The following WFDC10B variants were observed in gnomAD, a reference collection of about 807,000 sequenced individuals.
WFDC10B encodes the protein WAP four-disulfide core domain 10B.
Under a neutral mutation model 2.7 loss-of-function variants are expected in WFDC10B, and 1 was observed. The observed-to-expected ratio is 0.38, with a 90% CI of 0.13 to 1.79. The LOEUF is 1.79. Ranked by LOEUF, WFDC10B falls within the 40% of genes most tolerant of loss-of-function variation. WFDC10B has a pLI of 0.33. For synonymous variants in WFDC10B, 26 were observed against 32.2 expected, an observed-to-expected ratio of 0.81 and a Z score of 0.65; for missense variants, 71 against 87.8, an observed-to-expected ratio of 0.81 and a Z score of 0.76.
At chr20:45,693,537 C>T (rs1056493161) in intron 2 of WFDC10B, among the ~76,000 whole-genome samples, 9 of 152,162 alleles carry the variant, frequency 5.9e-5, no homozygotes, top group Non-Finnish European at 1.0e-4. Context: ...CAATGGTGGG[C>T]GCCCCTCCCC....
At chr20:45,704,359 C>A in intron 2 of WFDC10B, 138 bp downstream of exon 2, 1 of 1,520,482 alleles carries the variant, frequency 6.6e-7, no homozygotes, top group South Asian at 1.3e-5. Context: ...TGGCAGGTTT[C>A]CTGGCAGTTC....
chr20:45,699,235 A>G (rs1984073181), intron 2 of WFDC10B, among the ~76,000 whole-genome samples: 1 of 152,208 alleles, frequency 6.6e-6, no homozygotes. Context: ...AAAAAAGTAA[A>G]CATACAAAGT....
chr20:45,688,413 T>C (rs1983702448), intron 2 of WFDC10B, among the ~76,000 whole-genome samples: 1 of 152,160 alleles, frequency 6.6e-6, no homozygotes, highest in Admixed American at 6.5e-5. Flanking sequence ...CTGGGTCAAA[T>C]GGTATTTCTA....
intron 2 of WFDC10B, among the ~76,000 whole-genome samples, chr20:45,702,698 C>A (rs1984215512): frequency 6.6e-6 from 1 of 152,110 alleles, no homozygotes; most frequent in Non-Finnish European, 1.5e-5. Flanking sequence ...CCTTTTATTC[C>A]ACATTTTCAA....
At chr20:45,698,372 G>T (rs2145641069) in intron 2 of WFDC10B, among the ~76,000 whole-genome samples, 1 of 152,154 alleles carries the variant, frequency 6.6e-6, no homozygotes, top group African/African-American at 2.4e-5. Context: ...ACTATGGATT[G>T]GGCAATGGAT....
At position 45,688,917 on chromosome 20, in the gene WFDC10B, T is replaced by C. The variant is rs981205063; in HGVS notation, c.-64-2861A>G. Reference sequence around the variant, plus strand: ...GTTTTAGACATGAAGTCCTTGCCCATGCCTATGTCCTGAATGGTAATGCCT... The same window carrying C: ...GTTTTAGACATGAAGTCCTTGCCCACGCCTATGTCCTGAATGGTAATGCCT... On this transcript the variant is annotated intron_variant, in intron 2 of 3. Transcript: ENST00000330523. Among the ~76,000 whole-genome samples, 79 of 152,132 alleles carry C rather than the reference T, an allele frequency of 5.2e-4. 1 individual carries two copies. Among genetic ancestry groups the C allele is most frequent in the African/African-American group, 1.5e-3 (64 of 41,502 alleles).
Position 45,699,561 on chromosome 20 carries a change from G to T in WFDC10B, c.-65+4936C>A, listed in dbSNP as rs536358286. Among the ~76,000 whole-genome samples, 62 of 152,284 alleles carry T rather than the reference G, an allele frequency of 4.1e-4. 1 individual carries two copies. The South Asian group carries it at 0.012, about 31-fold the overall frequency. On this transcript the variant is annotated intron_variant, in intron 2 of 3. Coordinates refer to ENST00000330523, the MANE Select transcript of WFDC10B (RefSeq NM_172006.2). Reference sequence around the variant, plus strand: ...AAAAAATTCAAAAGCATGACAACACGTTCTGTTAGTGAGACTGTAGGAAAC... The same window carrying T: ...AAAAAATTCAAAAGCATGACAACACTTTCTGTTAGTGAGACTGTAGGAAAC...
intron 3 of WFDC10B, 78 bp from the exon 4 acceptor site, chr20:45,685,038 G>A: frequency 2.5e-6 from 4 of 1,578,792 alleles, no homozygotes; most frequent in Non-Finnish European, 3.4e-6. Flanking sequence ...CTCCTCCATG[G>A]CCCCAGAACC....
rs373966089 is a variant in WFDC10B, at chr20:45,704,880, C to G, written c.-130+38G>C. ...AATGCCTTTATCCACAGACCTTCCC[C>G]CGACCCAGAATCCACCCTTATCCCA... On this transcript the variant is annotated intron_variant, in intron 1 of 3. Coordinates refer to ENST00000330523, the MANE Select transcript of WFDC10B (RefSeq NM_172006.2). The G allele has an allele frequency of 1.9e-6, 3 of 1,605,844 alleles. No homozygotes were observed. In the African/African-American group the frequency reaches 4.0e-5, roughly 21 times the overall value.
chr20:45,698,491 C>A (rs560368403), intron 2 of WFDC10B, among the ~76,000 whole-genome samples: 2 of 151,056 alleles, frequency 1.3e-5, no homozygotes, highest in African/African-American at 4.9e-5. Flanking sequence ...GAAAAGACAG[C>A]CTATGGAATG....
Position 45,691,546 on chromosome 20 carries a change from G to A in WFDC10B, c.-64-5490C>T, listed in dbSNP as rs557191334. 1.8e-3 allele frequency among the ~76,000 whole-genome samples: 275 copies of A among 151,228 alleles called. 2 individuals are homozygous for A. The highest frequency in any genetic ancestry group is 5.9e-3 in the African/African-American group (242 of 41,130). ...CTGTATTGGGCGCATATATATTTAG[G>A]ATAGTTAGCTCTTCTTGTTGAATTG... On this transcript the variant is annotated intron_variant, in intron 2 of 3. Coordinates refer to ENST00000330523, the MANE Select transcript of WFDC10B (RefSeq NM_172006.2).
intron 2 of WFDC10B, among the ~76,000 whole-genome samples, chr20:45,696,345 C>A: frequency 1.4e-5 from 2 of 143,638 alleles, no homozygotes; most frequent in African/African-American, 2.6e-5. Context: ...TCATACGAAA[C>A]TAGAAAGAGA....
chr20:45,704,582 A>C, intron 1 of WFDC10B, 21 bp from the exon 2 acceptor site: 3 of 1,614,086 alleles, frequency 1.9e-6, no homozygotes, highest in Non-Finnish European at 2.5e-6. Context: ...GAAACATTTC[A>C]AAAGCGCAAC....
chr20:45,701,575 A>G (rs1206890040), intron 2 of WFDC10B, among the ~76,000 whole-genome samples: 3 of 152,112 alleles, frequency 2.0e-5, no homozygotes, highest in Non-Finnish European at 2.9e-5. Context: ...TAGCCTGGAT[A>G]ACACAGTGAA....
At chr20:45,703,740 C>T (rs1165716063) in intron 2 of WFDC10B, among the ~76,000 whole-genome samples, 2 of 152,162 alleles carry the variant, frequency 1.3e-5, no homozygotes, top group Non-Finnish European at 2.9e-5. Flanking sequence ...AGGAAGTCAA[C>T]ATAATGATGC....
chr20:45,689,754 G>C (rs1218288400), intron 2 of WFDC10B, among the ~76,000 whole-genome samples: 1 of 152,162 alleles, frequency 6.6e-6, no homozygotes, highest in Non-Finnish European at 1.5e-5. Context: ...GAGACAATGG[G>C]GTTTTCTAGA....
In WFDC10B at chr20:45,704,577, AT is replaced by A; in HGVS notation, c.-129-17del. The A allele has an allele frequency of 1.9e-6, 3 of 1,614,068 alleles. No individual in the cohort carries two copies. Among genetic ancestry groups the A allele is most frequent in the Non-Finnish European group, 2.5e-6 (3 of 1,180,018 alleles). On this transcript the variant is annotated splice_polypyrimidine_tract_variant and intron_variant, in intron 1 of 3. Coordinates refer to ENST00000330523, the MANE Select transcript of WFDC10B (RefSeq NM_172006.2). ...GTGGGATAGTCTGTTCATCAGAAAC[AT>A]TTCAAAAGCGCAACAGGTAAGAGAT...
chr20:45,687,860 T>TTTTTTA (rs1555805538), intron 2 of WFDC10B, among the ~76,000 whole-genome samples: 4 of 145,340 alleles, frequency 2.8e-5, no homozygotes, highest in African/African-American at 1.0e-4. Flanking sequence ...TGTCTTTTCT[T>TTTTTTA]TTATTATTAT....
intron 2 of WFDC10B, among the ~76,000 whole-genome samples, chr20:45,691,881 G>T (rs1368035732): frequency 6.6e-6 from 1 of 152,150 alleles, no homozygotes; most frequent in Non-Finnish European, 1.5e-5. Context: ...CTGTCATTAT[G>T]ATGTTAGCTG....
Sources: gnomAD v4.1 joint callset for allele counts (sites outside exome capture counted in the v4.1 genomes callset) on GRCh38, gnomAD v4.1.1 for gene constraint, MANE v1.5 for transcripts, NCBI Gene and HGNC (gene_info 2026-07-23, HGNC 2026-07-21) for gene names.